The following KLHL20 variants were observed in gnomAD, a reference collection of about 807,000 sequenced individuals.
KLHL20 encodes the protein kelch like family member 20.
KLHL20 carries 29 observed loss-of-function variants against 69.5 expected under a neutral mutation model. That is an observed-to-expected ratio of 0.42 (90% confidence interval 0.31 to 0.57). The LOEUF (loss-of-function observed/expected upper bound fraction) is 0.57, where lower values mean the gene tolerates loss of function less well. Ranked by LOEUF, KLHL20 falls within the 20% of genes least tolerant of loss-of-function variation. The pLI is 0.18. For missense variants in KLHL20, 419 were observed against 776.0 expected (o/e 0.54, Z 5.47); for synonymous variants, 253 against 265.2 (o/e 0.95, Z 0.45).
At chr1:173,722,145 C>T (rs116619197) in intron 2 of KLHL20, among the ~76,000 whole-genome samples, 2,552 of 152,162 alleles carry the variant, frequency 0.017, 40 homozygotes, top group Non-Finnish European at 0.026. Flanking sequence ...GAGATGGAAT[C>T]TCATTTTGTT....
intron 11 of KLHL20, among the ~76,000 whole-genome samples, chr1:173,783,908 A>T (rs1326862140): frequency 6.6e-6 from 1 of 151,026 alleles, no homozygotes; most frequent in African/African-American, 2.4e-5. Context: ...AGCCCTGGGG[A>T]TACAAAACTG....
chr1:173,727,113 T>C (rs1389439073), intron 2 of KLHL20, among the ~76,000 whole-genome samples: 2 of 151,736 alleles, frequency 1.3e-5, no homozygotes, highest in South Asian at 2.1e-4. Context: ...GAAGCCTCAG[T>C]AGCTGATTCA....
intron 7 of KLHL20, among the ~76,000 whole-genome samples, chr1:173,758,543 T>C (rs937026404): frequency 6.6e-6 from 1 of 152,066 alleles, no homozygotes; most frequent in Admixed American, 6.6e-5. Context: ...ACCCCAAATA[T>C]TGGGAGTGCC....
intron 2 of KLHL20, among the ~76,000 whole-genome samples, chr1:173,725,618 G>A (rs575529547): frequency 4.5e-4 from 68 of 152,298 alleles, no homozygotes; most frequent in African/African-American, 1.5e-3. Flanking sequence ...AATTATTGCA[G>A]CTTCTAAAGA....
At chr1:173,724,658 A>G (rs114198073) in intron 2 of KLHL20, among the ~76,000 whole-genome samples, 241 of 152,286 alleles carry the variant, frequency 1.6e-3, no homozygotes, top group Middle Eastern at 0.01. Context: ...CAAATTTTCA[A>G]GCCAGGCATG....
intron 10 of KLHL20, among the ~76,000 whole-genome samples, chr1:173,778,536 G>A (rs1366590273): frequency 1.3e-5 from 2 of 150,258 alleles, no homozygotes; most frequent in Non-Finnish European, 3.0e-5. Flanking sequence ...TTGGGGTTTT[G>A]CCATGTTGCC....
chr1:173,742,023 T>C (rs1672829763), intron 3 of KLHL20: 2 of 481,840 alleles, frequency 4.2e-6, no homozygotes, highest in African/African-American at 4.0e-5. Flanking sequence ...GACATTAATC[T>C]CCTTATGTCA....
chr1:173,740,823 C>T (rs980160669), intron 3 of KLHL20, among the ~76,000 whole-genome samples: 7 of 151,952 alleles, frequency 4.6e-5, no homozygotes, highest in African/African-American at 1.7e-4. Flanking sequence ...CATTTGCCCC[C>T]CCGGATTCTG....
intron 3 of KLHL20, chr1:173,741,828 A>G (rs1672822028): frequency 3.8e-6 from 6 of 1,585,448 alleles, no homozygotes; most frequent in Non-Finnish European, 4.3e-6. Flanking sequence ...CCATGCACAA[A>G]CTGTAGTTTT....
intron 6 of KLHL20, 47 bp from the exon 7 acceptor site, chr1:173,756,929 T>C (rs772867391): frequency 1.1e-5 from 17 of 1,567,936 alleles, no homozygotes; most frequent in Non-Finnish European, 1.5e-5. Flanking sequence ...TGTTACATTT[T>C]ATGCTTCAGG....
chr1:173,784,662 C>T (rs1649089918), intron 11 of KLHL20, among the ~76,000 whole-genome samples: 1 of 152,158 alleles, frequency 6.6e-6, no homozygotes, highest in South Asian at 2.1e-4. Context: ...TTGTCACAAA[C>T]TAGATGCTGA....
chr1:173,767,275 T>G (rs987024893), intron 8 of KLHL20, among the ~76,000 whole-genome samples: 16 of 152,196 alleles, frequency 1.1e-4, no homozygotes, highest in African/African-American at 3.6e-4. Flanking sequence ...TGCCACATTT[T>G]CTGTATCCAT....
At chr1:173,774,612 A>G (rs1428740381) in intron 9 of KLHL20, among the ~76,000 whole-genome samples, 174 bp downstream of exon 9, 2 of 152,160 alleles carry the variant, frequency 1.3e-5, no homozygotes, top group Non-Finnish European at 2.9e-5. Flanking sequence ...CACTGTAGTC[A>G]TATTCTAAGT....
chr1:173,732,490 A>G (rs1246341545), intron 2 of KLHL20, among the ~76,000 whole-genome samples: 1 of 152,170 alleles, frequency 6.6e-6, no homozygotes, highest in Non-Finnish European at 1.5e-5. Flanking sequence ...GCAGTTTACG[A>G]GGGGAAGCAG....
intron 2 of KLHL20, 34 bp from the exon 3 acceptor site, chr1:173,733,679 G>A: frequency 6.9e-7 from 1 of 1,455,392 alleles, no homozygotes; most frequent in Non-Finnish European, 9.5e-7. Context: ...TAATAATACT[G>A]CCATCTTCTC....
At position 173,774,413 on chromosome 1, in the gene KLHL20, T is replaced by G. The variant is rs778607656; in HGVS notation, c.1404T>G (p.Ser468=). The change falls in exon 9 of 12, where the codon TCT becomes TCG. Residue 468 remains serine, a synonymous_variant. Transcript: ENST00000209884. The part of the protein sequence containing the change: ...LGGFLYAVGG[S]DGTSPLNTVE... ...GGTTCTTATATGCTGTAGGTGGCTCTGACGGGACATCTCCTCTCAACACAG... is the reference window on the plus strand; with the variant it reads ...GGTTCTTATATGCTGTAGGTGGCTCGGACGGGACATCTCCTCTCAACACAG... The G allele has an allele frequency of 1.2e-6, 2 of 1,614,150 alleles. No individual in the cohort carries two copies. Among genetic ancestry groups the G allele is most frequent in the Non-Finnish European group, 8.5e-7 (1 of 1,180,022 alleles).
intron 7 of KLHL20, among the ~76,000 whole-genome samples, chr1:173,758,236 A>G (rs1476929445): frequency 6.6e-6 from 1 of 151,824 alleles, no homozygotes; most frequent in East Asian, 1.9e-4. Context: ...GCGCCATTGC[A>G]CTCTAGTCTG....
At chr1:173,773,185 TGAACTC>T (rs1648209621) in intron 8 of KLHL20, among the ~76,000 whole-genome samples, 1 of 151,846 alleles carries the variant, frequency 6.6e-6, no homozygotes, top group Non-Finnish European at 1.5e-5. Context: ...AGGCTGGTCT[TGAACTC>T]GAACTTGTGG....
chr1:173,751,974 A>G, intron 4 of KLHL20, 52 bp downstream of exon 4: 2 of 1,553,390 alleles, frequency 1.3e-6, no homozygotes, highest in Non-Finnish European at 1.8e-6. Context: ...ATGGTGGCTC[A>G]TGACTGTAAT....
Sources: allele counts gnomAD v4.1 joint callset (sites outside exome capture counted in the v4.1 genomes callset), GRCh38; gene constraint gnomAD v4.1.1; transcripts MANE v1.5; gene names NCBI Gene and HGNC (gene_info 2026-07-23, HGNC 2026-07-21).